The following CACNA1D variants were observed in gnomAD, a reference collection of about 807,000 sequenced individuals.
CACNA1D encodes the protein voltage-dependent L-type calcium channel subunit alpha-1D.
Under a neutral mutation model 257.1 loss-of-function variants are expected in CACNA1D, and 55 were observed. That is an observed-to-expected ratio of 0.21 (90% CI 0.17 to 0.27). The LOEUF is 0.27. Ranked by LOEUF, CACNA1D falls within the 10% of genes least tolerant of loss-of-function variation. CACNA1D has a pLI of 1.00. For missense variants in CACNA1D, 1,876 were observed against 2,784.0 expected (o/e 0.67, Z 7.34); for synonymous variants, 980 against 1,014.9 (o/e 0.97, Z 0.65).
chr3:53,570,524 G>T (rs766785514), intron 3 of CACNA1D, among the ~76,000 whole-genome samples: 2 of 152,206 alleles, frequency 1.3e-5, no homozygotes, highest in Non-Finnish European at 2.9e-5. Context: ...AGCTTTTCTG[G>T]CTTTGAACTG....
chr3:53,748,863 A>G (rs2095197643), intron 26 of CACNA1D, among the ~76,000 whole-genome samples: 2 of 152,128 alleles, frequency 1.3e-5, no homozygotes, highest in East Asian at 1.9e-4. Flanking sequence ...ATTTTAGTGC[A>G]TATCTCTGTT....
chr3:53,583,486 G>A (rs529169059), intron 3 of CACNA1D, among the ~76,000 whole-genome samples: 1 of 152,262 alleles, frequency 6.6e-6, no homozygotes, highest in African/African-American at 2.4e-5. Flanking sequence ...ACCCAAATGT[G>A]CCTCTTCACA....
At chr3:53,682,365 TAAAAAAAAAAAAAA>T (rs3082718) in intron 8 of CACNA1D, among the ~76,000 whole-genome samples, 539 of 47,384 alleles carry the variant, frequency 0.011, 13 homozygotes, top group Middle Eastern at 0.061. Context: ...TTGTCTCTGG[TAAAAAAAAAAAAAA>T]AAAAAAAAAA....
Position 53,624,345 on chromosome 3 carries a change from G to A in CACNA1D, c.484-26434G>A, listed in dbSNP as rs1358465330. Among the ~76,000 whole-genome samples, 11 of 152,342 alleles carry A rather than the reference G, an allele frequency of 7.2e-5. No individual in the cohort carries two copies. In the East Asian group the frequency reaches 2.1e-3, roughly 29 times the overall value. On this transcript the variant is annotated intron_variant, in intron 3 of 47. Coordinates refer to ENST00000350061, the MANE Select transcript of CACNA1D (RefSeq NM_001128840.3). ...TCTATGTAGTAATAAGCACAGGAAA[G>A]GAAAAGTGGAAGAAAGGAGATTCAG...
At chr3:53,737,435 C>A (rs913966930) in intron 20 of CACNA1D, among the ~76,000 whole-genome samples, 11 of 152,126 alleles carry the variant, frequency 7.2e-5, no homozygotes, top group Non-Finnish European at 1.5e-4. Context: ...AGATTATATG[C>A]AAACACTACA....
chr3:53,662,500 G>A (rs1023105725), intron 5 of CACNA1D, among the ~76,000 whole-genome samples: 6 of 152,268 alleles, frequency 3.9e-5, no homozygotes, highest in South Asian at 2.1e-4. Flanking sequence ...GACCATCAAA[G>A]TGGAAAAGAA....
chr3:53,547,223 G>A (rs59437060), intron 3 of CACNA1D, among the ~76,000 whole-genome samples: 4,506 of 152,108 alleles, frequency 0.03, 227 homozygotes, highest in African/African-American at 0.1. Flanking sequence ...CACTGGTTGT[G>A]GTCCTAAGTG....
intron 32 of CACNA1D, among the ~76,000 whole-genome samples, chr3:53,771,409 C>A (rs1315591463): frequency 6.6e-6 from 1 of 152,216 alleles, no homozygotes; most frequent in Non-Finnish European, 1.5e-5. Context: ...CTCACCCACC[C>A]CTGGGGTAAC....
chr3:53,692,885 C>G (rs1174844456), intron 8 of CACNA1D, among the ~76,000 whole-genome samples: 1 of 152,112 alleles, frequency 6.6e-6, no homozygotes, highest in African/African-American at 2.4e-5. Context: ...TAGAGAAACC[C>G]TGTCTACTAA....
At chr3:53,777,299 A>G (rs989100612) in intron 37 of CACNA1D, among the ~76,000 whole-genome samples, 1 of 152,182 alleles carries the variant, frequency 6.6e-6, no homozygotes, top group African/African-American at 2.4e-5. Context: ...AGGGTGAGCC[A>G]TTGGGTCATC....
Position 53,774,661 on chromosome 3 carries a change from G to A in CACNA1D, c.4185G>A (p.Ala1395=), listed in dbSNP as rs772540629. ...RNNNFQTFPQ[A]VLLLFRCATG... ...ATAACTTCCAGACGTTTCCCCAGGCGGTGCTGCTGCTCTTCAGGTGACTGC... is the reference window on the plus strand; with the variant it reads ...ATAACTTCCAGACGTTTCCCCAGGCAGTGCTGCTGCTCTTCAGGTGACTGC... The change falls in exon 34 of 48, where the codon GCG becomes GCA. Residue 1395 remains alanine (A), a synonymous_variant. Coordinates refer to ENST00000350061, the MANE Select transcript of CACNA1D (RefSeq NM_001128840.3). This position sits in a 1 kb window ranked among gnomAD's most constrained non-coding sequence, Gnocchi z 4.3. The A allele has an allele frequency of 1.9e-6, 3 of 1,610,554 alleles. No homozygotes were observed. The highest frequency in any genetic ancestry group is 2.5e-6 in the Non-Finnish European group (3 of 1,176,758).
At chr3:53,531,295 T>C (rs2091942130) in intron 3 of CACNA1D, among the ~76,000 whole-genome samples, 1 of 152,174 alleles carries the variant, frequency 6.6e-6, no homozygotes, top group African/African-American at 2.4e-5. Flanking sequence ...GAATAATGCG[T>C]TTGGAATTGT....
chr3:53,772,820 T>A lies in CACNA1D; in HGVS notation c.4045-13T>A, dbSNP rs371468865. On this transcript the variant is annotated splice_polypyrimidine_tract_variant and intron_variant, in intron 32 of 47. Transcript: ENST00000350061. ...GCCGGCTGGTGCTGAGCCAAGTGCC[T>A]TTTCTCTCCCAGGCGCTCCCGTATG... 31 of 1,612,882 alleles carry A rather than the reference T, an allele frequency of 1.9e-5. No homozygotes were observed. The African/African-American group carries it at 4.0e-4, about 21-fold the overall frequency.
chr3:53,718,760 T>C, intron 10 of CACNA1D: 1 of 1,546,434 alleles, frequency 6.5e-7, no homozygotes, highest in Non-Finnish European at 8.7e-7. Context: ...CTGATTCTCC[T>C]TCCAGCCTGG....
At chr3:53,536,515 G>T (rs2107490180) in intron 3 of CACNA1D, among the ~76,000 whole-genome samples, 1 of 152,344 alleles carries the variant, frequency 6.6e-6, no homozygotes, top group East Asian at 1.9e-4. Flanking sequence ...AGTCCAGATG[G>T]TATCTCCAAA....
At chr3:53,591,294 C>CA (rs1460802816) in intron 3 of CACNA1D, among the ~76,000 whole-genome samples, 6 of 152,066 alleles carry the variant, frequency 3.9e-5, no homozygotes, top group Non-Finnish European at 7.4e-5. Flanking sequence ...ACTCTGTTGC[C>CA]AAGGCTGGAA....
At chr3:53,664,916 AGTT>A (rs1194077089) in intron 5 of CACNA1D, among the ~76,000 whole-genome samples, 1 of 146,148 alleles carries the variant, frequency 6.8e-6, no homozygotes, top group Non-Finnish European at 1.5e-5. Context: ...GAGAGAGGGG[AGTT>A]GTTGTCGGTC....
chr3:53,632,261 G>T (rs990315555), intron 3 of CACNA1D, among the ~76,000 whole-genome samples: 1 of 152,200 alleles, frequency 6.6e-6, no homozygotes, highest in African/African-American at 2.4e-5. Context: ...GTACTTTTAT[G>T]TTATGGAGAT....
At chr3:53,777,885 A>G (rs1373398746) in intron 37 of CACNA1D, among the ~76,000 whole-genome samples, 1 of 152,224 alleles carries the variant, frequency 6.6e-6, no homozygotes, top group Non-Finnish European at 1.5e-5. Flanking sequence ...TTTTTCAAGG[A>G]AAACGCAAGG....
Sources: gnomAD v4.1 joint callset for allele counts (sites outside exome capture counted in the v4.1 genomes callset) on GRCh38, gnomAD v4.1.1 for gene constraint, Gnocchi (gnomAD v3.1) non-coding constraint, MANE v1.5 for transcripts, NCBI Gene and HGNC (gene_info 2026-07-23, HGNC 2026-07-21) for gene names.